Variants in NR6A1 observed in about 807,000 individuals in gnomAD.
NR6A1 encodes nuclear receptor subfamily 6 group A member 1.
In NR6A1, 7 loss-of-function variants were observed where a neutral mutation model predicts 59.1. The ratio of observed to expected loss-of-function variants is 0.12; its 90% CI spans 0.07 to 0.22. The LOEUF (loss-of-function observed/expected upper bound fraction) is 0.22, where lower values mean the gene tolerates loss of function less well. Ranked by LOEUF, NR6A1 falls within the 10% of genes least tolerant of loss-of-function variation. NR6A1 has a pLI of 1.00. For missense variants in NR6A1, 468 were observed against 611.6 expected (o/e 0.77, Z 2.48); for synonymous variants, 243 against 236.1 (o/e 1.03, Z -0.27).
At chr9:124,725,831 G>C (rs773339697) in intron 2 of NR6A1, among the ~76,000 whole-genome samples, 3 of 151,996 alleles carry the variant, frequency 2.0e-5, no homozygotes, top group Admixed American at 2.0e-4. Context: ...TGACAAATTC[G>C]GATCAAATTT....
intron 1 of NR6A1, among the ~76,000 whole-genome samples, chr9:124,765,554 C>T (rs1297491613): frequency 1.3e-5 from 2 of 152,210 alleles, no homozygotes; most frequent in East Asian, 3.9e-4. Context: ...TATTTTCTCT[C>T]AGTTTGCTTT....
chr9:124,678,907 T>G (rs992718683), intron 2 of NR6A1, among the ~76,000 whole-genome samples: 2 of 152,178 alleles, frequency 1.3e-5, no homozygotes, highest in African/African-American at 4.8e-5. Context: ...AAAAAAGTTA[T>G]GCTGAGGGCA....
At chr9:124,563,907 C>G (rs956707946) in intron 2 of NR6A1, among the ~76,000 whole-genome samples, 4 of 152,072 alleles carry the variant, frequency 2.6e-5, no homozygotes, top group African/African-American at 7.2e-5. Flanking sequence ...AAGACCCCAT[C>G]CCTACGAAAA....
At chr9:124,759,047 T>G (rs577053441) in intron 1 of NR6A1, among the ~76,000 whole-genome samples, 156 of 152,322 alleles carry the variant, frequency 1.0e-3, no homozygotes, top group African/African-American at 3.6e-3. Flanking sequence ...AACTCCTCAA[T>G]GTTTGGGCTC....
chr9:124,661,430 C>T (rs565657047), intron 2 of NR6A1, among the ~76,000 whole-genome samples: 60 of 152,278 alleles, frequency 3.9e-4, no homozygotes, highest in African/African-American at 1.4e-3. Flanking sequence ...GGAGACCCTG[C>T]ACAAGGAAGC....
rs190703505 is a variant in NR6A1, at chr9:124,630,647, C to T, written c.143-76077G>A. On this transcript the variant is annotated intron_variant, in intron 2 of 9. Coordinates refer to ENST00000487099, the MANE Select transcript of NR6A1 (RefSeq NM_033334.4). ...TTGTTCTACTATTTTATACTTTTGA[C>T]CCCTGGGCAAGTTACTACATTTCTT... 3.5e-4 allele frequency among the ~76,000 whole-genome samples: 53 copies of T among 149,620 alleles called. 1 individual carries two copies. In the East Asian group the frequency reaches 9.6e-3, roughly 27 times the overall value.
chr9:124,770,920 G>A, intron 1 of NR6A1, 100 bp downstream of exon 1: 2 of 678,742 alleles, frequency 2.9e-6, no homozygotes, highest in Non-Finnish European at 4.1e-6. Flanking sequence ...GGCCGCTGCG[G>A]CTTCCCAGGG....
chr9:124,737,116 A>G (rs1343563014), intron 1 of NR6A1, among the ~76,000 whole-genome samples: 2 of 152,186 alleles, frequency 1.3e-5, no homozygotes, highest in Admixed American at 6.5e-5. Context: ...TTCAGCCTGT[A>G]AAGTGCTTGA....
At chr9:124,693,687 G>C (rs533968759) in intron 2 of NR6A1, 3 of 533,332 alleles carry the variant, frequency 5.6e-6, no homozygotes, top group South Asian at 4.2e-5. Flanking sequence ...GGAGGGCAAA[G>C]GCAACCCCAC....
In NR6A1 at chr9:124,568,888, C is replaced by T. The variant is rs531597543; in HGVS notation, c.143-14318G>A. On this transcript the variant is annotated intron_variant, in intron 2 of 9. Transcript: ENST00000487099. Reference sequence around the variant, plus strand: ...CAGCACTTTGGGAGGCCGAGGCGGGCGGGTCACGAGGTCAGGAGATCGAGA... The same window carrying T: ...CAGCACTTTGGGAGGCCGAGGCGGGTGGGTCACGAGGTCAGGAGATCGAGA... 8.2e-4 allele frequency among the ~76,000 whole-genome samples: 124 copies of T among 151,818 alleles called. 2 individuals are homozygous for T. Among genetic ancestry groups the T allele is most frequent in the Non-Finnish European group, 1.2e-3 (84 of 68,002 alleles).
chr9:124,730,512 G>A (rs1191801881), intron 2 of NR6A1, among the ~76,000 whole-genome samples: 1 of 151,542 alleles, frequency 6.6e-6, no homozygotes, highest in East Asian at 1.9e-4. Context: ...TGGAATTACA[G>A]GCATGAGCCA....
At chr9:124,727,636 G>A (rs1375294591) in intron 2 of NR6A1, among the ~76,000 whole-genome samples, 4 of 152,096 alleles carry the variant, frequency 2.6e-5, no homozygotes, top group Non-Finnish European at 5.9e-5. Context: ...CTTAAAATTC[G>A]CTTTCTTAAA....
intron 2 of NR6A1, among the ~76,000 whole-genome samples, chr9:124,597,623 CAACT>C (rs1835314889): frequency 6.6e-6 from 1 of 152,146 alleles, no homozygotes; most frequent in South Asian, 2.1e-4. Context: ...AAGGTGAGTC[CAACT>C]AACAATCCTT....
intron 2 of NR6A1, among the ~76,000 whole-genome samples, chr9:124,581,206 A>G (rs1180782292): frequency 2.0e-5 from 3 of 152,256 alleles, no homozygotes; most frequent in Non-Finnish European, 2.9e-5. Context: ...AGAGGCAAAG[A>G]TTTCATGATG....
chr9:124,660,749 A>C (rs1837409052), intron 2 of NR6A1, among the ~76,000 whole-genome samples: 1 of 151,644 alleles, frequency 6.6e-6, no homozygotes, highest in South Asian at 2.1e-4. Context: ...CTATTGTTGG[A>C]GTACATAAAG....
chr9:124,616,134 A>G (rs1013194427), intron 2 of NR6A1, among the ~76,000 whole-genome samples: 3 of 152,098 alleles, frequency 2.0e-5, no homozygotes, highest in Admixed American at 2.0e-4. Context: ...GCAGTGGCTC[A>G]CATCTGTAAT....
chr9:124,738,635 G>C (rs1373881323), intron 1 of NR6A1, among the ~76,000 whole-genome samples: 5 of 152,154 alleles, frequency 3.3e-5, no homozygotes, highest in Non-Finnish European at 7.4e-5. Context: ...TGGGGAGGCT[G>C]AGGCAGGTGG....
chr9:124,743,201 C>G (rs1342125543), intron 1 of NR6A1, among the ~76,000 whole-genome samples: 1 of 152,254 alleles, frequency 6.6e-6, no homozygotes, highest in Admixed American at 6.5e-5. Context: ...ATTAAATTCA[C>G]ACCTGCCTCT....
chr9:124,598,573 G>A (rs1835345555), intron 2 of NR6A1: 1 of 254,162 alleles, frequency 3.9e-6, no homozygotes. Context: ...TTTAAATTTT[G>A]TTCTTTATAT....
Sources: allele counts gnomAD v4.1 joint callset (sites outside exome capture counted in the v4.1 genomes callset), GRCh38; gene constraint gnomAD v4.1.1; transcripts MANE v1.5; gene names NCBI Gene and HGNC (gene_info 2026-07-23, HGNC 2026-07-21).